Variants in CASD1 observed in about 807,000 individuals in gnomAD.
The protein encoded by CASD1 is CAS1 domain sialic acid O acetyltransferase 1, also known as N-acetylneuraminate (7)9-O-acetyltransferase.
In CASD1, 41 loss-of-function variants were observed where a neutral mutation model predicts 100.0. That is an observed-to-expected ratio of 0.41 (90% CI 0.32 to 0.53). The LOEUF is 0.53. CASD1 is among the 20% of genes least tolerant of loss of function. The probability of loss-of-function intolerance (pLI) is 0.25; values close to 1 mark genes in which losing one functional copy is unlikely to be tolerated. For synonymous variants in CASD1, 321 were observed against 315.6 expected, an observed-to-expected ratio of 1.02 and a Z score of -0.18; for missense variants, 774 against 948.7, an observed-to-expected ratio of 0.82 and a Z score of 2.42.
the CASD1 span, chr7:94,594,471 C>T: frequency 6.6e-6 from 1 of 151,864 alleles, no homozygotes; most frequent in African/African-American, 2.4e-5. Context: ...TCATGGGACA[C>T]AAGAAAGGTC....
At chr7:94,518,963 T>C (rs1378360361) in intron 3 of CASD1, among the ~76,000 whole-genome samples, 1 of 152,112 alleles carries the variant, frequency 6.6e-6, no homozygotes, top group Non-Finnish European at 1.5e-5. Flanking sequence ...AATTCAAATA[T>C]TAGGTTAAAG....
At chr7:94,623,542 A>G in the CASD1 span, 1 of 629,294 alleles carries the variant, frequency 1.6e-6, no homozygotes, top group African/African-American at 1.9e-5. Flanking sequence ...TCTCTGGGCA[A>G]TGAGAACTCA....
Position 94,553,297 on chromosome 7 carries a change from A to G in CASD1, c.2034+870A>G, listed in dbSNP as rs552234042. 2.4e-5 allele frequency: 4 copies of G among 167,832 alleles called. No individual in the cohort carries two copies. The South Asian group carries it at 4.1e-4, about 17-fold the overall frequency. The allele number at this position is 167,832 out of a possible 1,614,324, so 10.4% of individuals were successfully genotyped here. On this transcript the variant is annotated intron_variant, in intron 16 of 17. Coordinates refer to ENST00000297273, the MANE Select transcript of CASD1 (RefSeq NM_022900.5). The stretch of plus-strand genomic sequence containing the variant: ...AAGCTTATCTCTATTTGTTTAAATT[A>G]AAAAAAAGACCCACAAGATTAAGTG...
chr7:94,510,189 G>A lies in CASD1; in HGVS notation c.105G>A (p.Ala35=). The change falls in exon 1 of 18, where the codon GCG becomes GCA. Residue 35 remains alanine (A), a synonymous_variant. Coordinates refer to ENST00000297273, the MANE Select transcript of CASD1 (RefSeq NM_022900.5). ...TGGTGGCCGTGCTGCTGCTCGCAGC[G>A]TGCCACCTCGCCTCCCGCCGCTACC... The part of the protein sequence containing the change: ...LALVAVLLLA[A]CHLASRRYRG... 4 of 1,500,568 alleles carry A rather than the reference G, an allele frequency of 2.7e-6. No homozygotes were observed. Among genetic ancestry groups the A allele is most frequent in the Non-Finnish European group, 3.6e-6 (4 of 1,125,478 alleles). 93.0% of individuals were successfully genotyped at this position (1,500,568 alleles called of 1,614,324 possible).
intron 17 of CASD1, 34 bp downstream of exon 17, chr7:94,554,609 G>C (rs199871464): frequency 1.5e-6 from 2 of 1,366,240 alleles, no homozygotes; most frequent in East Asian, 2.3e-5. Flanking sequence ...ATCTTACACA[G>C]CCAGGTGTTT....
chr7:94,517,808 C>A, intron 2 of CASD1, 152 bp downstream of exon 2: 1 of 547,154 alleles, frequency 1.8e-6, no homozygotes, highest in Non-Finnish European at 3.2e-6. Context: ...ATTTCCCTGC[C>A]CACTAAGGTT....
chr7:94,587,679 A>AAGTCCT, the CASD1 span: 3 of 1,527,742 alleles, frequency 2.0e-6, no homozygotes, highest in Non-Finnish European at 2.6e-6. Flanking sequence ...TTGTTGAAAC[A>AAGTCCT]TGTTAGCATT....
chr7:94,511,631 A>G (rs528650043), intron 1 of CASD1, among the ~76,000 whole-genome samples: 7 of 152,186 alleles, frequency 4.6e-5, no homozygotes, highest in Admixed American at 1.3e-4. Context: ...TCTTTTAACT[A>G]CTATTAATCA....
the CASD1 span, chr7:94,588,408 C>T: frequency 8.2e-7 from 1 of 1,214,882 alleles, no homozygotes; most frequent in Non-Finnish European, 1.0e-6. Flanking sequence ...GAATAGGGAA[C>T]TTCACTGAAG....
At chr7:94,532,061 A>G (rs1212349549) in intron 5 of CASD1, among the ~76,000 whole-genome samples, 1 of 152,134 alleles carries the variant, frequency 6.6e-6, no homozygotes, top group Non-Finnish European at 1.5e-5. Flanking sequence ...ACATATAGTT[A>G]GCTGCAAATA....
chr7:94,590,388 C>T, the CASD1 span: 2 of 152,066 alleles, frequency 1.3e-5, no homozygotes, highest in African/African-American at 4.8e-5. Flanking sequence ...TCATTGTATT[C>T]TCTGTATATA....
At chr7:94,545,246 C>T (rs1795618856) in intron 11 of CASD1, among the ~76,000 whole-genome samples, 1 of 152,038 alleles carries the variant, frequency 6.6e-6, no homozygotes, top group Admixed American at 6.6e-5. Context: ...CACTATAGCC[C>T]TCAGAAGGAC....
At chr7:94,628,281 A>T in the CASD1 span, 5 of 1,611,564 alleles carry the variant, frequency 3.1e-6, no homozygotes, top group Non-Finnish European at 4.2e-6. Context: ...TGTCCTTTGG[A>T]TATATCGAAG....
At chr7:94,551,779 A>G (rs1465116724) in intron 15 of CASD1, 4 of 157,576 alleles carry the variant, frequency 2.5e-5, no homozygotes, top group East Asian at 1.8e-4. Context: ...AAGATAAACT[A>G]TATTTTTATC....
At chr7:94,603,493 T>C in the CASD1 span, 3 of 1,581,118 alleles carry the variant, frequency 1.9e-6, no homozygotes, top group African/African-American at 1.3e-5. Context: ...TTTAAGAAAA[T>C]TGAAAACACT....
At chr7:94,559,037 C>T (rs1584445740), downstream of CASD1, among the ~76,000 whole-genome samples, 2 of 152,048 alleles carry the variant, frequency 1.3e-5, no homozygotes, top group Admixed American at 6.6e-5. Flanking sequence ...TGGCCTCAAG[C>T]GATCCACCTG....
At chr7:94,629,558 A>C in the CASD1 span, 10 of 691,996 alleles carry the variant, frequency 1.4e-5, no homozygotes, top group African/African-American at 3.7e-5. Context: ...TCTGTAATTA[A>C]ATTTCTAATC....
chr7:94,511,468 G>T (rs940192095), intron 1 of CASD1, among the ~76,000 whole-genome samples: 3 of 152,134 alleles, frequency 2.0e-5, no homozygotes, highest in African/African-American at 7.2e-5. Context: ...ATACTAAATT[G>T]ATTTTAAAAA....
At chr7:94,581,003 G>T in the CASD1 span, among the ~76,000 whole-genome samples, 14 of 152,104 alleles carry the variant, frequency 9.2e-5, no homozygotes, top group African/African-American at 3.1e-4. Context: ...GCCTGATTTT[G>T]CCAGAATCCC....
Sources: allele counts gnomAD v4.1 joint callset (sites outside exome capture counted in the v4.1 genomes callset), GRCh38; gene constraint gnomAD v4.1.1; transcripts MANE v1.5; gene names NCBI Gene and HGNC (gene_info 2026-07-23, HGNC 2026-07-21).